ZNF277: variants seen among roughly 807,000 people sequenced by gnomAD.
ZNF277 encodes the protein zinc finger protein 277.
In ZNF277, 55 loss-of-function variants were observed where a neutral mutation model predicts 60.7. The observed-to-expected ratio is 0.91, with a 90% CI of 0.73 to 1.13. The LOEUF is 1.13. Ranked by LOEUF, ZNF277 falls within the 50% of genes most tolerant of loss-of-function variation. ZNF277 has a pLI of 0.00. For synonymous variants in ZNF277, 178 were observed against 179.3 expected, an observed-to-expected ratio of 0.99 and a Z score of 0.06; for missense variants, 510 against 523.0, an observed-to-expected ratio of 0.98 and a Z score of 0.24.
At chr7:112,218,058 T>C (rs1043315210) in intron 1 of ZNF277, among the ~76,000 whole-genome samples, 1 of 152,184 alleles carries the variant, frequency 6.6e-6, no homozygotes, top group Non-Finnish European at 1.5e-5. Context: ...TTTGGGGAGA[T>C]TGATTTGAGT....
intron 4 of ZNF277, among the ~76,000 whole-genome samples, chr7:112,310,340 T>C (rs80191553): frequency 0.059 from 8,885 of 151,782 alleles, 702 homozygotes; most frequent in African/African-American, 0.18. Context: ...AGTTATCTCC[T>C]AGGAACAGAC....
intron 1 of ZNF277, among the ~76,000 whole-genome samples, chr7:112,233,579 T>A (rs1007367568): frequency 2.6e-5 from 4 of 152,360 alleles, no homozygotes; most frequent in Admixed American, 6.5e-5. Flanking sequence ...GTCATCATTA[T>A]GCAATGATAT....
intron 4 of ZNF277, among the ~76,000 whole-genome samples, chr7:112,316,224 G>C (rs1792840011): frequency 6.6e-6 from 1 of 152,098 alleles, no homozygotes; most frequent in South Asian, 2.1e-4. Context: ...GTTAGATGTA[G>C]TTAGTAGAAA....
At chr7:112,269,428 TA>T (rs1563210248) in intron 1 of ZNF277, among the ~76,000 whole-genome samples, 2 of 152,108 alleles carry the variant, frequency 1.3e-5, no homozygotes, top group Non-Finnish European at 2.9e-5. Flanking sequence ...CAATTAGTTG[TA>T]AAGCATGTTT....
intron 4 of ZNF277, among the ~76,000 whole-genome samples, chr7:112,298,846 A>G (rs1410327982): frequency 1.3e-5 from 2 of 152,226 alleles, no homozygotes; most frequent in African/African-American, 2.4e-5. Flanking sequence ...GTGCAGAGCT[A>G]GAGTTTCAAA....
Position 112,342,997 on chromosome 7 carries a change from A to C in ZNF277, c.*268A>C, listed in dbSNP as rs1471498480. Reference sequence around the variant, plus strand: ...TTTTATTGTGTGATCATCTTAAATTATCTCACTTCATTAAACTCATAATTA... The same window carrying C: ...TTTTATTGTGTGATCATCTTAAATTCTCTCACTTCATTAAACTCATAATTA... On this transcript the variant is annotated 3_prime_UTR_variant, in exon 12 of 12. Transcript: ENST00000361822. 8.9e-6 allele frequency: 2 copies of C among 225,494 alleles called. No individual in the cohort carries two copies. Among genetic ancestry groups the C allele is most frequent in the Non-Finnish European group, 1.7e-5 (2 of 115,356 alleles). The allele number at this position is 225,494 out of a possible 1,614,324, so 14.0% of individuals were successfully genotyped here.
At chr7:112,308,388 A>T (rs557904386) in intron 4 of ZNF277, among the ~76,000 whole-genome samples, 93 of 152,180 alleles carry the variant, frequency 6.1e-4, no homozygotes, top group African/African-American at 2.2e-3. Context: ...GTCATGGCAC[A>T]TGCCTGTAAT....
intron 1 of ZNF277, among the ~76,000 whole-genome samples, chr7:112,262,461 A>G (rs1332643640): frequency 6.6e-6 from 1 of 152,072 alleles, no homozygotes; most frequent in African/African-American, 2.4e-5. Context: ...TTTAGATTCA[A>G]TTTTTATAGG....
chr7:112,306,432 C>G (rs1792594378), intron 4 of ZNF277, among the ~76,000 whole-genome samples: 1 of 152,032 alleles, frequency 6.6e-6, no homozygotes, highest in Non-Finnish European at 1.5e-5. Context: ...CCAGGCTGGT[C>G]TTGAACTCCT....
At chr7:112,327,662 A>C in intron 5 of ZNF277, 55 bp from the exon 6 acceptor site, 1 of 1,408,800 alleles carries the variant, frequency 7.1e-7, no homozygotes, top group East Asian at 2.3e-5. Context: ...ATTCCAACCC[A>C]AATGTGTTCT....
rs10710470 is a variant in ZNF277 at position 112,286,841 on chromosome 7, C to CTTTTTTTTTTTTTTTT, written c.92-28_92-13dup. 819 of 952,314 alleles carry CTTTTTTTTTTTTTTTT rather than the reference C, an allele frequency of 8.6e-4. 26 individuals are homozygous for CTTTTTTTTTTTTTTTT. The highest frequency in any genetic ancestry group is 4.5e-3 in the African/African-American group (162 of 35,760). 59.0% of individuals were successfully genotyped at this position (952,314 alleles called of 1,614,324 possible). On this transcript the variant is annotated intron_variant, in intron 1 of 11. Coordinates refer to ENST00000361822, the MANE Select transcript of ZNF277 (RefSeq NM_021994.3). ...AGTTGGTTTCAGCTTTTCTTTCTTT[C>CTTTTTTTTTTTTTTTT]TTTTTTTTTTTTTTTTTTTGGTCTA...
intron 1 of ZNF277, among the ~76,000 whole-genome samples, chr7:112,279,370 C>G (rs1487771260): frequency 1.3e-5 from 2 of 152,044 alleles, no homozygotes; most frequent in African/African-American, 2.4e-5. Context: ...ATGTGATTTT[C>G]TGGGTTTTTT....
chr7:112,206,838 T>A, intron 1 of ZNF277, 31 bp downstream of exon 1: 1 of 1,604,010 alleles, frequency 6.2e-7, no homozygotes, highest in Non-Finnish European at 8.5e-7. Context: ...GCGCGGCTGA[T>A]GTGTCTTCCT....
At chr7:112,215,627 G>A (rs1036631049) in intron 1 of ZNF277, among the ~76,000 whole-genome samples, 4 of 152,176 alleles carry the variant, frequency 2.6e-5, no homozygotes, top group African/African-American at 7.2e-5. Context: ...TGCCAGAGGC[G>A]CTGAGCATAC....
chr7:112,339,965 GC>G, intron 10 of ZNF277, 80 bp downstream of exon 10: 1 of 1,340,428 alleles, frequency 7.5e-7, no homozygotes, highest in Non-Finnish European at 1.1e-6. Context: ...ATGTTCAGTA[GC>G]TATGATTGGA....
rs141592836 is a variant in ZNF277 at position 112,209,420 on chromosome 7, T to G, written c.91+2613T>G. Among the ~76,000 whole-genome samples the G allele has an allele frequency of 8.2e-3, 1,254 of 152,328 alleles. 70 individuals carry two copies. Among genetic ancestry groups the G allele is most frequent in the Admixed American group, 0.077 (1,179 of 15,300 alleles). On this transcript the variant is annotated intron_variant, in intron 1 of 11. Coordinates refer to ENST00000361822, the MANE Select transcript of ZNF277 (RefSeq NM_021994.3). The stretch of plus-strand genomic sequence containing the variant: ...GAGGAAATAATCCAGGACCAATGTT[T>G]CAATGACTAGTAGATTGAATTAAGT...
rs10710470 is a variant in ZNF277 at position 112,286,841 on chromosome 7, C to CT, written c.92-13dup. ...AGTTGGTTTCAGCTTTTCTTTCTTT[C>CT]TTTTTTTTTTTTTTTTTTTGGTCTA... is the stretch of plus-strand genomic sequence containing the variant. On this transcript the variant is annotated intron_variant, in intron 1 of 11. Coordinates refer to ENST00000361822, the MANE Select transcript of ZNF277 (RefSeq NM_021994.3). 2,858 of 951,504 alleles carry CT rather than the reference C, an allele frequency of 3.0e-3. 51 individuals carry two copies. In the African/African-American group the frequency reaches 0.035, roughly 12 times the overall value. The allele number at this position is 951,504 out of a possible 1,614,324, so 58.9% of individuals were successfully genotyped here.
At chr7:112,296,352 A>T in intron 4 of ZNF277, 41 bp downstream of exon 4, 1 of 962,164 alleles carries the variant, frequency 1.0e-6, no homozygotes, top group Non-Finnish European at 1.5e-6. Context: ...TCTTGAAAAT[A>T]CATATAAATA....
intron 1 of ZNF277, among the ~76,000 whole-genome samples, chr7:112,260,579 T>C (rs973485723): frequency 2.6e-5 from 4 of 152,234 alleles, no homozygotes; most frequent in African/African-American, 9.6e-5. Flanking sequence ...CCTAGCGTTA[T>C]GTAACATCAA....
Sources: gnomAD v4.1 joint callset for allele counts (sites outside exome capture counted in the v4.1 genomes callset) on GRCh38, gnomAD v4.1.1 for gene constraint, MANE v1.5 for transcripts, NCBI Gene and HGNC (gene_info 2026-07-23, HGNC 2026-07-21) for gene names.